The following LENG9 variants were observed in gnomAD, a reference collection of about 807,000 sequenced individuals.
The protein encoded by LENG9 is leukocyte receptor cluster member 9, also known as leukocyte receptor cluster (LRC) member 9.
For synonymous variants in LENG9, 410 were observed against 303.9 expected (o/e 1.35, Z -3.63); for missense variants, 872 against 652.7 (o/e 1.34, Z -3.66).
rs1367833834 is a variant in LENG9, at chr19:54,461,915, CCCT to C, written c.*172_*174del. ...GATGTTCCTCCTCTGCCTCCCCTTC[CCCT>C]CCTCTCCCCTCCTTTTCCTTCCTTC... On this transcript the variant is annotated 3_prime_UTR_variant, in exon 1 of 1. Coordinates refer to ENST00000611161, the MANE Select transcript of LENG9 (RefSeq NM_001301782.2). 2.3e-5 allele frequency: 20 copies of C among 879,728 alleles called. No homozygotes were observed. Among genetic ancestry groups the C allele is most frequent in the Middle Eastern group, 2.2e-4 (1 of 4,622 alleles). The allele number at this position is 879,728 out of a possible 1,614,324, so 54.5% of individuals were successfully genotyped here. A position where few individuals can be genotyped will look rare whatever the true frequency, so the allele number is the denominator to read the frequency against.
At position 54,461,944 on chromosome 19, in the gene LENG9, C is replaced by G. The variant is rs1434315488; in HGVS notation, c.*146G>C. ...CCTCTCCCCTCCTTTTCCTTCCTTC[C>G]TTCCTTTCCTTGGAGCACTGAGCAC... is the stretch of plus-strand genomic sequence containing the variant. On this transcript the variant is annotated 3_prime_UTR_variant, in exon 1 of 1. Transcript: ENST00000611161. 8.0e-6 allele frequency: 8 copies of G among 1,004,978 alleles called. No individual in the cohort carries two copies. 62.3% of individuals were successfully genotyped at this position (1,004,978 alleles called of 1,614,324 possible).
In LENG9 at chr19:54,463,211, A is replaced by T; in HGVS notation, c.316T>A (p.Trp106Arg). The part of the protein sequence containing the change: ...VREEPFSAFC[W>R]DQPLAALGPG... ...CCGAGCGCCGCCAGCGGCTGGTCCCAGCAAAAGGCGCTGAAGGGCTCCTCG... is the reference window on the plus strand; with the variant it reads ...CCGAGCGCCGCCAGCGGCTGGTCCCTGCAAAAGGCGCTGAAGGGCTCCTCG... The change falls in exon 1 of 1, where the codon TGG becomes AGG. Residue 106 changes from tryptophan (W) to arginine (R), a missense_variant. Trp to Arg is a moderately radical substitution (Grantham distance 101). Transcript: ENST00000611161. 2 of 1,555,104 alleles carry T rather than the reference A, an allele frequency of 1.3e-6. No individual in the cohort carries two copies. Among genetic ancestry groups the T allele is most frequent in the South Asian group, 1.2e-5 (1 of 85,784 alleles).
rs2084619220 is a variant in LENG9 at position 54,462,480 on chromosome 19, G to A, written c.1047C>T (p.Gly349=). 6.2e-7 allele frequency: 1 copy of A among 1,613,310 alleles called. No individual in the cohort carries two copies. Residue 349 remains glycine, a synonymous_variant, in exon 1 of 1, where the codon GGC becomes GGT. Transcript: ENST00000611161. The part of the protein sequence containing the change: ...HLTLALLRLA[G]AGEEAAAIGA... ...CAATGGCAGCGGCCTCCTCCCCAGC[G>A]CCTGCCAGTCGCAGCAGGGCCAGGG... is the stretch of plus-strand genomic sequence containing the variant.
Position 54,463,728 on chromosome 19 carries a change from G to T in LENG9, c.-202C>A, listed in dbSNP as rs1352998624. 2 of 667,676 alleles carry T rather than the reference G, an allele frequency of 3.0e-6. No individual in the cohort carries two copies. The highest frequency in any genetic ancestry group is 3.8e-5 in the African/African-American group (2 of 52,700). The allele number at this position is 667,676 out of a possible 1,614,324, so 41.4% of individuals were successfully genotyped here. A position where few individuals can be genotyped will look rare whatever the true frequency, so the allele number is the denominator to read the frequency against. On this transcript the variant is annotated 5_prime_UTR_variant, in exon 1 of 1. Coordinates refer to ENST00000611161, the MANE Select transcript of LENG9 (RefSeq NM_001301782.2). ...GGAGAGCCTGACACCGCTGCTCTGGGACTTCCCGGCTGCGCCCTCCCCCAG... is the reference window on the plus strand; with the variant it reads ...GGAGAGCCTGACACCGCTGCTCTGGTACTTCCCGGCTGCGCCCTCCCCCAG...
rs765699856 is a variant in LENG9 at position 54,461,806 on chromosome 19, TC to T, written c.*283del. ...CTCCTCTCCCTTTTCTTTTTGGCCC[TC>T]CCTCCCTCCCTCTTCTGCCATGTAA... is the stretch of plus-strand genomic sequence containing the variant. On this transcript the variant is annotated 3_prime_UTR_variant, in exon 1 of 1. Transcript: ENST00000611161. 4.3e-6 allele frequency: 2 copies of T among 467,564 alleles called. No homozygotes were observed. The highest frequency in any genetic ancestry group is 8.8e-6 in the Non-Finnish European group (2 of 227,242). The allele number at this position is 467,564 out of a possible 1,614,324, so 29.0% of individuals were successfully genotyped here.
In LENG9 at chr19:54,462,179, C is replaced by T; in HGVS notation, c.1348G>A (p.Gly450Arg). 6.2e-7 allele frequency: 1 copy of T among 1,612,972 alleles called. No individual in the cohort carries two copies. Among genetic ancestry groups the T allele is most frequent in the East Asian group, 2.2e-5 (1 of 44,878 alleles). ...CAGAGTGTCTGCAGGGGCTGGCACC[C>T]CACTTCCTGGCTGAGGGTGAACTCC... ...KLEFTLSQEV[G>R]CQPLQTLWLC... Residue 450 changes from glycine (G) to arginine (R), a missense_variant, in exon 1 of 1, where the codon GGG (glycine) becomes AGG (arginine). Transcript: ENST00000611161.
Position 54,463,253 on chromosome 19 carries a change from G to C in LENG9, c.274C>G (p.Arg92Gly). ...PADFSVGYVD[R>G]FLGVREEPFS... The stretch of plus-strand genomic sequence containing the variant: ...GGCTCCTCGCGCACACCCAGAAAGC[G>C]GTCGACGTAGCCCACCGAGAAGTCG... The change falls in exon 1 of 1, where the codon CGC (arginine) becomes GGC (glycine). Residue 92 changes from arginine to glycine, a missense_variant. Transcript: ENST00000611161. 1.3e-6 allele frequency: 2 copies of C among 1,537,980 alleles called. No homozygotes were observed. The highest frequency in any genetic ancestry group is 8.7e-7 in the Non-Finnish European group (1 of 1,147,966).
At position 54,463,202 on chromosome 19, in the gene LENG9, G is replaced by A; in HGVS notation, c.325C>T (p.Pro109Ser). The change falls in exon 1 of 1, where the codon CCG (proline) becomes TCG (serine). Residue 109 changes from proline (P) to serine (S), a missense_variant. Coordinates refer to ENST00000611161, the MANE Select transcript of LENG9 (RefSeq NM_001301782.2). ...EPFSAFCWDQ[P>S]LAALGPGVLA... ...ACGCCCGGCCCGAGCGCCGCCAGCG[G>A]CTGGTCCCAGCAAAAGGCGCTGAAG... 1 of 1,558,450 alleles carries A rather than the reference G, an allele frequency of 6.4e-7. No individual in the cohort carries two copies.
chr19:54,462,008 A>G lies in LENG9; in HGVS notation c.*82T>C, dbSNP rs2084594785. The G allele has an allele frequency of 6.2e-6, 9 of 1,448,970 alleles. No homozygotes were observed. In the Admixed American group the frequency reaches 8.1e-5, roughly 13 times the overall value. 89.8% of individuals were successfully genotyped at this position (1,448,970 alleles called of 1,614,324 possible). ...GAGAGAAACCAAAATTAAAGAGAGA[A>G]AGAGAGAGCGTGCACGCTCCTGCTT... is the stretch of plus-strand genomic sequence containing the variant. On this transcript the variant is annotated 3_prime_UTR_variant, in exon 1 of 1. Transcript: ENST00000611161.
chr19:54,462,741 G>A lies in LENG9; in HGVS notation c.786C>T (p.Val262=). The A allele has an allele frequency of 6.2e-7, 1 of 1,611,006 alleles. No homozygotes were observed. The highest frequency in any genetic ancestry group is 8.5e-7 in the Non-Finnish European group (1 of 1,179,994). The stretch of plus-strand genomic sequence containing the variant: ...CTGTCGTCTCAGCGGAGCCCCCCGG[G>A]ACTCCCAGGGCCTGTGCTTCCTTGC... ...LGGKEAQALG[V]PGGSAETTEA... Residue 262 remains valine (V), a synonymous_variant, in exon 1 of 1, where the codon GTC becomes GTT. Coordinates refer to ENST00000611161, the MANE Select transcript of LENG9 (RefSeq NM_001301782.2).
At position 54,462,184 on chromosome 19, in the gene LENG9, TC is replaced by T. The variant is rs1264462219; in HGVS notation, c.1342del (p.Glu448LysfsTer15). The T allele has an allele frequency of 1.2e-6, 2 of 1,613,214 alleles. No homozygotes were observed. The highest frequency in any genetic ancestry group is 1.1e-5 in the South Asian group (1 of 90,982). ...TGTCTGCAGGGGCTGGCACCCCACT[TC>T]CTGGCTGAGGGTGAACTCCAGCTTG... ...LPKLEFTLSQ[E>X]VGCQPLQTLW... is the part of the protein sequence containing the mutation. On this transcript the variant is annotated frameshift_variant, in exon 1 of 1. Transcript: ENST00000611161. LOFTEE classifies it low-confidence loss of function (END_TRUNC).
Position 54,462,990 on chromosome 19 carries a change from C to G in LENG9, c.537G>C (p.Gly179=). Residue 179 remains glycine, a synonymous_variant, in exon 1 of 1, where the codon GGG becomes GGC. Transcript: ENST00000611161. Reference sequence around the variant, plus strand: ...GGGCAGCCTGGGCCTCCTGACCTGTCCCCGCCAGTGTCCACTCGGCACCCT... The same window carrying G: ...GGGCAGCCTGGGCCTCCTGACCTGTGCCCGCCAGTGTCCACTCGGCACCCT... The part of the protein sequence containing the change: ...GAEGAEWTLA[G]TGQEAQAAPK... The G allele has an allele frequency of 6.2e-7, 1 of 1,606,366 alleles. No individual in the cohort carries two copies. Among genetic ancestry groups the G allele is most frequent in the Non-Finnish European group, 8.5e-7 (1 of 1,179,634 alleles).
chr19:54,462,634 G>A lies in LENG9; in HGVS notation c.893C>T (p.Thr298Ile), dbSNP rs753791266. ...GGTCACCATGAGGGCCACAAAATGT[G>A]TGGGGCGCGGTTGGCAAGGGGCTGC... ...SVAAPCQPRP[T>I]HFVALMVTEP... is the part of the protein sequence containing the mutation. Residue 298 changes from threonine to isoleucine, a missense_variant, in exon 1 of 1, where the codon ACA becomes ATA. By Grantham distance (89) the Thr-to-Ile change is moderately conservative (BLOSUM62 -1). Transcript: ENST00000611161. 1 of 1,613,316 alleles carries A rather than the reference G, an allele frequency of 6.2e-7. No individual in the cohort carries two copies. Among genetic ancestry groups the A allele is most frequent in the Non-Finnish European group, 8.5e-7 (1 of 1,179,866 alleles).
Position 54,461,841 on chromosome 19 carries a change from T to A in LENG9, c.*249A>T. On this transcript the variant is annotated 3_prime_UTR_variant, in exon 1 of 1. Transcript: ENST00000611161. Reference sequence around the variant, plus strand: ...CCTCTTCTGCCATGTAACTGGAGGATGTGCTATGAGTTTGCAAACAGCTGG... The same window carrying A: ...CCTCTTCTGCCATGTAACTGGAGGAAGTGCTATGAGTTTGCAAACAGCTGG... 4.8e-6 allele frequency: 3 copies of A among 626,718 alleles called. No individual in the cohort carries two copies. Among genetic ancestry groups the A allele is most frequent in the Non-Finnish European group, 9.2e-6 (3 of 327,360 alleles). The allele number at this position is 626,718 out of a possible 1,614,324, so 38.8% of individuals were successfully genotyped here.
In LENG9 at chr19:54,462,475, C is replaced by T. The variant is rs2084618875; in HGVS notation, c.1052G>A (p.Gly351Glu). The T allele has an allele frequency of 6.2e-7, 1 of 1,613,308 alleles. No homozygotes were observed. The highest frequency in any genetic ancestry group is 1.1e-5 in the South Asian group (1 of 91,086). The change falls in exon 1 of 1, where the codon GGG (glycine) becomes GAG (glutamate). Residue 351 changes from glycine (G) to glutamate (E), a missense_variant. Gly to Glu is a moderately conservative substitution (Grantham distance 98). Transcript: ENST00000611161. ...TLALLRLAGA[G>E]EEAAAIGALR... ...AGCTCCAATGGCAGCGGCCTCCTCC[C>T]CAGCGCCTGCCAGTCGCAGCAGGGC...
chr19:54,462,529 A>G lies in LENG9; in HGVS notation c.998T>C (p.Val333Ala), dbSNP rs756191598. 5.6e-6 allele frequency: 9 copies of G among 1,613,474 alleles called. No individual in the cohort carries two copies. The South Asian group carries it at 9.9e-5, about 18-fold the overall frequency. ...GGTCAGGTGTAGGTTCTGAGAGGGC[A>G]CTAGGAAGTTGGCGCAGTGTGGGGC... The part of the protein sequence containing the change: ...HVAPHCANFL[V>A]PSQNLHLTLA... The change falls in exon 1 of 1, where the codon GTG becomes GCG. Residue 333 changes from valine to alanine, a missense_variant. By Grantham distance (64) the Val-to-Ala change is moderately conservative. Coordinates refer to ENST00000611161, the MANE Select transcript of LENG9 (RefSeq NM_001301782.2).
At position 54,462,352 on chromosome 19, in the gene LENG9, G is replaced by A. The variant is rs766639694; in HGVS notation, c.1175C>T (p.Pro392Leu). 15 of 1,610,724 alleles carry A rather than the reference G, an allele frequency of 9.3e-6. No individual in the cohort carries two copies. The highest frequency in any genetic ancestry group is 3.3e-5 in the Admixed American group (2 of 59,844). ...TGCCATGCTTTCCAGTGTGGGAGAG[G>A]GTGGGGCACACAGCACATGCGGGCC... ...LLGPHVLCAP[P>L]SPTLESMAQV... Residue 392 changes from proline to leucine, a missense_variant, in exon 1 of 1, where the codon CCC (proline) becomes CTC (leucine). Coordinates refer to ENST00000611161, the MANE Select transcript of LENG9 (RefSeq NM_001301782.2).
Position 54,462,150 on chromosome 19 carries a change from C to G in LENG9, c.1377G>C (p.Leu459=). The G allele has an allele frequency of 6.2e-7, 1 of 1,606,080 alleles. No individual in the cohort carries two copies. Among genetic ancestry groups the G allele is most frequent in the Non-Finnish European group, 8.5e-7 (1 of 1,175,402 alleles). The change falls in exon 1 of 1, where the codon CTG becomes CTC. Residue 459 remains leucine (L), a synonymous_variant. Transcript: ENST00000611161. ...GCCCCCCTGTCCTCCCTATACGGCACAGCCAGAGTGTCTGCAGGGGCTGGC... is the reference window on the plus strand; with the variant it reads ...GCCCCCCTGTCCTCCCTATACGGCAGAGCCAGAGTGTCTGCAGGGGCTGGC... ...VGCQPLQTLW[L]CRIGRTGGPF... is the part of the protein sequence containing the mutation.
At position 54,462,591 on chromosome 19, in the gene LENG9, T is replaced by C. The variant is rs113929501; in HGVS notation, c.936A>G (p.Ala312=). The C allele has an allele frequency of 3.6e-4, 587 of 1,613,694 alleles. 4 individuals are homozygous for C. The African/African-American group carries it at 7.1e-3, about 20-fold the overall frequency. Residue 312 remains alanine (A), a synonymous_variant, in exon 1 of 1, where the codon GCA becomes GCG. Transcript: ENST00000611161. ...ALMVTEPGLQ[A]EVTKAQEYLV... is the part of the protein sequence containing the mutation. The stretch of plus-strand genomic sequence containing the variant: ...GGTATTCCTGGGCCTTGGTCACTTC[T>C]GCTTGTAGCCCAGGCTCGGTCACCA...
Sources: allele counts gnomAD v4.1 joint callset, GRCh38; gene constraint gnomAD v4.1.1; transcripts MANE v1.5; gene names NCBI Gene and HGNC (gene_info 2026-07-23, HGNC 2026-07-21).